ELF1: variants seen among roughly 807,000 people sequenced by gnomAD.
ELF1 encodes E74 like ETS transcription factor 1.
Under a neutral mutation model 59.9 loss-of-function variants are expected in ELF1, and 24 were observed. That is an observed-to-expected ratio of 0.40 (90% CI 0.29 to 0.56). The LOEUF (loss-of-function observed/expected upper bound fraction) is 0.56, where lower values mean the gene tolerates loss of function less well. Ranked by LOEUF, ELF1 falls within the 20% of genes least tolerant of loss-of-function variation. The pLI, the probability that ELF1 is intolerant of heterozygous loss-of-function variation, is 0.44. For synonymous variants in ELF1, 248 were observed against 266.2 expected, an observed-to-expected ratio of 0.93 and a Z score of 0.67; for missense variants, 627 against 742.2, an observed-to-expected ratio of 0.84 and a Z score of 1.80.
chr13:40,974,032 G>GGTCATGACTGCTA (rs1872751635), intron 2 of ELF1, among the ~76,000 whole-genome samples: 1 of 152,294 alleles, frequency 6.6e-6, no homozygotes, highest in East Asian at 1.9e-4. Flanking sequence ...GGGAAGAATA[G>GGTCATGACTGCTA]GTCATGACTG....
intron 3 of ELF1, among the ~76,000 whole-genome samples, chr13:40,956,381 G>A (rs1052125793): frequency 3.3e-5 from 5 of 152,088 alleles, no homozygotes; most frequent in South Asian, 2.1e-4. Flanking sequence ...CAGCATGCTC[G>A]TTAAGAGTCA....
At chr13:41,038,420 G>A (rs1876473625) in intron 1 of ELF1, among the ~76,000 whole-genome samples, 1 of 152,192 alleles carries the variant, frequency 6.6e-6, no homozygotes. Flanking sequence ...GGGAGGCTGA[G>A]GCAGGAGGAC....
chr13:40,988,908 A>G (rs903349431), intron 1 of ELF1, among the ~76,000 whole-genome samples: 1 of 152,032 alleles, frequency 6.6e-6, no homozygotes, highest in Non-Finnish European at 1.5e-5. Flanking sequence ...AGTGATTCTC[A>G]TGCCTCAGCC....
intron 1 of ELF1, among the ~76,000 whole-genome samples, chr13:41,030,234 G>T (rs755828858): frequency 1.3e-5 from 2 of 152,176 alleles, no homozygotes; most frequent in African/African-American, 2.4e-5. Flanking sequence ...AGGCATGTGT[G>T]TTTCCAAGAA....
intron 1 of ELF1, among the ~76,000 whole-genome samples, chr13:41,051,834 G>A (rs1418381397): frequency 6.6e-6 from 1 of 150,384 alleles, no homozygotes; most frequent in Non-Finnish European, 1.5e-5. Flanking sequence ...AATAAAAGAT[G>A]TTTTAAAGTT....
intron 2 of ELF1, among the ~76,000 whole-genome samples, chr13:40,966,960 G>C (rs937753128): frequency 7.2e-5 from 11 of 152,164 alleles, no homozygotes; most frequent in African/African-American, 2.7e-4. Context: ...AAAACACCAA[G>C]AGGGGTCTGG....
At chr13:41,045,804 TGCAGA>T (rs1394393216) in intron 1 of ELF1, among the ~76,000 whole-genome samples, 1 of 152,212 alleles carries the variant, frequency 6.6e-6, no homozygotes, top group Non-Finnish European at 1.5e-5. Flanking sequence ...GTCCACTTGG[TGCAGA>T]GCTGAGTTCA....
Position 40,949,849 on chromosome 13 carries a change from G to A in ELF1, c.486C>T (p.Asp162=), listed in dbSNP as rs1870739527. The change falls in exon 5 of 9, where the codon GAC becomes GAT. Residue 162 remains aspartate (D), a synonymous_variant. Coordinates refer to ENST00000239882, the MANE Select transcript of ELF1 (RefSeq NM_172373.4). ...ETQQVQEKYA[D]SPGASSPEQP... ...GTTCTGGTGATGAGGCTCCCGGTGA[G>A]TCTGCATATTTTTCTTGCACCTGCT... The A allele has an allele frequency of 6.2e-7, 1 of 1,613,898 alleles. No homozygotes were observed. Among genetic ancestry groups the A allele is most frequent in the African/African-American group, 1.3e-5 (1 of 74,848 alleles).
At chr13:40,996,435 G>A (rs1874131168) in intron 1 of ELF1, among the ~76,000 whole-genome samples, 1 of 152,172 alleles carries the variant, frequency 6.6e-6, no homozygotes, top group African/African-American at 2.4e-5. Flanking sequence ...TGAATAAACT[G>A]TAGTGCATCC....
At chr13:40,943,272 T>C (rs1167091722) in intron 6 of ELF1, 128 bp from the exon 7 acceptor site, 1 of 825,936 alleles carries the variant, frequency 1.2e-6, no homozygotes, top group Non-Finnish European at 1.7e-6. Context: ...CAGTTAGTAT[T>C]GGTGACATAA....
chr13:40,957,033 A>G lies in ELF1; in HGVS notation c.253+1803T>C, dbSNP rs574846653. On this transcript the variant is annotated intron_variant, in intron 3 of 8. Transcript: ENST00000239882. ...GTCATAAAACTGCTACTTCTGGAAT[A>G]TTTCTTAAACTTGCTTGATTTGTGT... Among the ~76,000 whole-genome samples the G allele has an allele frequency of 6.7e-5, 7 of 105,076 alleles. 1 individual carries two copies. In the East Asian group the frequency reaches 1.4e-3, roughly 21 times the overall value. The allele number at this position is 105,076 out of a possible 152,430, so 68.9% of individuals were successfully genotyped here.
At chr13:41,048,947 TA>T (rs1876973936) in intron 1 of ELF1, among the ~76,000 whole-genome samples, 1 of 152,188 alleles carries the variant, frequency 6.6e-6, no homozygotes, top group Non-Finnish European at 1.5e-5. Context: ...ATTATGCCAC[TA>T]AATCTAACTA....
chr13:40,979,280 C>CA (rs1455841951), intron 2 of ELF1, among the ~76,000 whole-genome samples: 3 of 152,012 alleles, frequency 2.0e-5, no homozygotes, highest in Non-Finnish European at 4.4e-5. Context: ...ATGAGCCAGA[C>CA]ATAGTTCTAA....
intron 1 of ELF1, among the ~76,000 whole-genome samples, chr13:41,047,472 CTGTT>C (rs571262840): frequency 0.012 from 1,765 of 152,258 alleles, 17 homozygotes; most frequent in Middle Eastern, 0.024. Context: ...GATGTCCTTT[CTGTT>C]TGTTAGTTTT....
chr13:41,002,584 TAAA>T (rs749504259), intron 1 of ELF1, among the ~76,000 whole-genome samples: 4 of 117,040 alleles, frequency 3.4e-5, no homozygotes, highest in African/African-American at 3.2e-5. Flanking sequence ...GACCTTACCT[TAAA>T]AAAAAAAAAA....
intron 1 of ELF1, among the ~76,000 whole-genome samples, chr13:40,994,992 G>A (rs1491001312): frequency 1.3e-5 from 2 of 152,106 alleles, no homozygotes; most frequent in African/African-American, 2.4e-5. Context: ...AAGTTCCCCA[G>A]GAGATTTTGC....
chr13:40,993,179 T>G, intron 1 of ELF1: 1 of 1,514,668 alleles, frequency 6.6e-7, no homozygotes, highest in Non-Finnish European at 9.2e-7. Flanking sequence ...TGGTTCTTCC[T>G]GCATTTTCCC....
At chr13:40,952,390 C>T (rs1362748821) in intron 3 of ELF1, among the ~76,000 whole-genome samples, 3 of 149,018 alleles carry the variant, frequency 2.0e-5, no homozygotes, top group African/African-American at 7.4e-5. Context: ...GAGACAAGGT[C>T]TTACCCTGTC....
chr13:40,995,013 G>A (rs1030494827), intron 1 of ELF1, among the ~76,000 whole-genome samples: 2 of 152,144 alleles, frequency 1.3e-5, no homozygotes, highest in East Asian at 1.9e-4. Flanking sequence ...TACATGACAC[G>A]CCTCCCCCAC....
Sources: allele counts gnomAD v4.1 joint callset (sites outside exome capture counted in the v4.1 genomes callset), GRCh38; gene constraint gnomAD v4.1.1; transcripts MANE v1.5; gene names NCBI Gene and HGNC (gene_info 2026-07-23, HGNC 2026-07-21).